The following NABP1 variants were observed in gnomAD, a reference collection of about 807,000 sequenced individuals.
NABP1 encodes SOSS complex subunit B2.
A neutral mutation model predicts 25.0 loss-of-function variants in NABP1; 18 were observed. The observed-to-expected ratio is 0.72, with a 90% CI of 0.50 to 1.07. The LOEUF is 1.07. NABP1 is among the 50% of genes least tolerant of loss of function. The probability of loss-of-function intolerance (pLI) is 0.00; values close to 1 mark genes in which losing one functional copy is unlikely to be tolerated. For synonymous variants in NABP1, 71 were observed against 85.0 expected (o/e 0.84, Z 0.91); for missense variants, 270 against 255.6 (o/e 1.06, Z -0.39).
chr2:191,679,582 G>T (rs1291122641), intron 2 of NABP1, among the ~76,000 whole-genome samples: 2 of 151,990 alleles, frequency 1.3e-5, no homozygotes, highest in African/African-American at 4.8e-5. Flanking sequence ...TCAGAGTGTT[G>T]CCCAGGCTGG....
At chr2:191,684,328 T>G (rs1490229219) in intron 5 of NABP1, 32 bp downstream of exon 5, 1 of 1,448,392 alleles carries the variant, frequency 6.9e-7, no homozygotes, top group Non-Finnish European at 9.2e-7. Flanking sequence ...TCATTTGTGA[T>G]CAGGTATAAG....
intron 3 of NABP1, chr2:191,682,478 CTATT>C (rs1445005204): frequency 4.3e-6 from 2 of 470,416 alleles, no homozygotes; most frequent in Non-Finnish European, 8.8e-6. Flanking sequence ...CTGAAGTCCT[CTATT>C]TATCCACAGT....
intron 2 of NABP1, 73 bp downstream of exon 2, chr2:191,679,201 A>T: frequency 6.3e-7 from 1 of 1,579,622 alleles, no homozygotes; most frequent in East Asian, 2.2e-5. Context: ...GGATCTTGGC[A>T]AGCCCTGAAG....
intron 1 of NABP1, 62 bp downstream of exon 1, chr2:191,678,767 C>A: frequency 1.3e-6 from 2 of 1,488,166 alleles, no homozygotes; most frequent in East Asian, 2.3e-5. Flanking sequence ...GAGACAGGGG[C>A]GCCGGCCGCT....
Position 191,686,554 on chromosome 2 carries a change from C to T in NABP1, c.*786C>T, listed in dbSNP as rs1249875479. 1 of 152,146 alleles carries T rather than the reference C, an allele frequency of 6.6e-6. No homozygotes were observed. The highest frequency in any genetic ancestry group is 1.5e-5 in the Non-Finnish European group (1 of 68,026). The allele number at this position is 152,146 out of a possible 1,614,324, so 9.4% of individuals were successfully genotyped here. ...TTATAAAGTTATGATAAACATTCAT[C>T]TGATTATTTTAAACAATAGTTGTGG... On this transcript the variant is annotated 3_prime_UTR_variant, in exon 6 of 6. Coordinates refer to ENST00000425611, the MANE Select transcript of NABP1 (RefSeq NM_001031716.5).
intron 2 of NABP1, among the ~76,000 whole-genome samples, chr2:191,681,139 T>C (rs1226500337): frequency 6.6e-6 from 1 of 152,228 alleles, no homozygotes; most frequent in African/African-American, 2.4e-5. Context: ...ACTCTTTGTA[T>C]AACTTAAGAG....
chr2:191,680,599 G>C (rs1285336255), intron 2 of NABP1, among the ~76,000 whole-genome samples: 2 of 152,120 alleles, frequency 1.3e-5, no homozygotes, highest in Admixed American at 1.3e-4. Flanking sequence ...GCTAAAAACG[G>C]CATCTTATTT....
rs1687761675 is a variant in NABP1 at position 191,684,301 on chromosome 2, G to T, written c.445+5G>T. 2 of 1,514,832 alleles carry T rather than the reference G, an allele frequency of 1.3e-6. No individual in the cohort carries two copies. Among genetic ancestry groups the T allele is most frequent in the Admixed American group, 2.5e-5 (1 of 39,466 alleles). The allele number at this position is 1,514,832 out of a possible 1,614,324, so 93.8% of individuals were successfully genotyped here. On this transcript the variant is annotated splice_donor_5th_base_variant and intron_variant, in intron 5 of 5. Transcript: ENST00000425611. ...CAGGTACATTTGGACCAGTGGGTAA[G>T]ATTTTGTTTGTGTGTTTCATTTGTG... is the stretch of plus-strand genomic sequence containing the variant.
In NABP1 at chr2:191,685,831, T is replaced by C; in HGVS notation, c.*63T>C. ...TGCCCTACTTGAACACTTATTGCAC[T>C]TTTATTTATTGTTAACTGTGAAAAG... On this transcript the variant is annotated 3_prime_UTR_variant, in exon 6 of 6. Coordinates refer to ENST00000425611, the MANE Select transcript of NABP1 (RefSeq NM_001031716.5). 1 of 1,460,102 alleles carries C rather than the reference T, an allele frequency of 6.8e-7. No homozygotes were observed. The highest frequency in any genetic ancestry group is 2.3e-5 in the East Asian group (1 of 42,734). 90.4% of individuals were successfully genotyped at this position (1,460,102 alleles called of 1,614,324 possible).
At position 191,683,608 on chromosome 2, in the gene NABP1, G is replaced by C. The variant is rs1337719496; in HGVS notation, c.303-121G>C. 1.6e-5 allele frequency: 11 copies of C among 686,716 alleles called. No homozygotes were observed. Among genetic ancestry groups the C allele is most frequent in the Non-Finnish European group, 2.7e-5 (11 of 401,602 alleles). 42.5% of individuals were successfully genotyped at this position (686,716 alleles called of 1,614,324 possible). On this transcript the variant is annotated intron_variant, in intron 3 of 5. Transcript: ENST00000425611. The surrounding 1 kb of genome is among the most constrained non-coding windows in gnomAD (Gnocchi z 4.1). ...AGTTTTTGTTGTAAATGAAGAGTTA[G>C]TTTGTTGCTATTAATTTGTTTGACA...
rs765742413 is a variant in NABP1, at chr2:191,679,170, A to C, written c.230+42A>C. The C allele has an allele frequency of 9.9e-6, 16 of 1,612,342 alleles. 1 individual carries two copies. The highest frequency in any genetic ancestry group is 1.7e-4 in the Middle Eastern group (1 of 6,032). The stretch of plus-strand genomic sequence containing the variant: ...GTCGGGGGACCTAACAGTCTGCAGA[A>C]TCGGGATTGGCCGGCTCCTGGGATC... On this transcript the variant is annotated intron_variant, in intron 2 of 5. Coordinates refer to ENST00000425611, the MANE Select transcript of NABP1 (RefSeq NM_001031716.5).
intron 1 of NABP1, 115 bp downstream of exon 1, chr2:191,678,820 C>T (rs1234215202): frequency 8.0e-7 from 1 of 1,243,672 alleles, no homozygotes; most frequent in Middle Eastern, 2.4e-4. Flanking sequence ...CTCCCCCACC[C>T]ACGTGGCTCT....
rs750026630 is a variant in NABP1 at position 191,679,099 on chromosome 2, G to T, written c.201G>T (p.Gln67His). 6.2e-7 allele frequency: 1 copy of T among 1,614,190 alleles called. No homozygotes were observed. Among genetic ancestry groups the T allele is most frequent in the South Asian group, 1.1e-5 (1 of 91,086 alleles). Residue 67 changes from glutamine to histidine, a missense_variant, in exon 2 of 6, where the codon CAG becomes CAT. Coordinates refer to ENST00000425611, the MANE Select transcript of NABP1 (RefSeq NM_001031716.5). ...GGGATGAGATCGGAGGTCTTATACA[G>T]CCAGGGGATATTATTCGGTTGACCA... is the stretch of plus-strand genomic sequence containing the variant. Reference protein sequence around the residue: ...SVWDEIGGLIQPGDIIRLTRG... With the variant: ...SVWDEIGGLIHPGDIIRLTRG...
Position 191,685,691 on chromosome 2 carries a change from C to T in NABP1, c.538C>T (p.Gln180Ter), listed in dbSNP as rs772998466. 41 of 1,613,944 alleles carry T rather than the reference C, an allele frequency of 2.5e-5. No individual in the cohort carries two copies. Among genetic ancestry groups the T allele is most frequent in the Non-Finnish European group, 3.4e-5 (40 of 1,179,986 alleles). The change falls in exon 6 of 6, where the codon CAA (glutamine) becomes TAA (stop). Residue 180 changes from glutamine to a stop codon, truncating the protein, a stop_gained. Coordinates refer to ENST00000425611, the MANE Select transcript of NABP1 (RefSeq NM_001031716.5). LOFTEE classifies it high-confidence loss of function. The part of the protein sequence containing the change: ...NGRGLINPQL[Q>*]GTASNQTVMT... Reference sequence around the variant, plus strand: ...CCGGGGACTTATAAATCCACAACTACAAGGAACAGCTAGTAATCAAACAGT... The same window carrying T: ...CCGGGGACTTATAAATCCACAACTATAAGGAACAGCTAGTAATCAAACAGT...
chr2:191,680,967 C>G (rs2105641787), intron 2 of NABP1, among the ~76,000 whole-genome samples: 1 of 152,228 alleles, frequency 6.6e-6, no homozygotes, highest in South Asian at 2.1e-4. Flanking sequence ...AATAATGGTT[C>G]AAATATCAAC....
At chr2:191,682,138 G>A in intron 3 of NABP1, 121 bp downstream of exon 3, 1 of 521,102 alleles carries the variant, frequency 1.9e-6, no homozygotes, top group Non-Finnish European at 3.3e-6. Flanking sequence ...AATGTCTTTG[G>A]TAGCTTAATT....
In NABP1 at chr2:191,682,092, T is replaced by A. The variant is rs962522266; in HGVS notation, c.302+75T>A. The A allele has an allele frequency of 4.3e-6, 4 of 937,116 alleles. No individual in the cohort carries two copies. In the Admixed American group the frequency reaches 1.2e-4, roughly 29 times the overall value. The allele number at this position is 937,116 out of a possible 1,614,324, so 58.1% of individuals were successfully genotyped here. On this transcript the variant is annotated intron_variant, in intron 3 of 5. Coordinates refer to ENST00000425611, the MANE Select transcript of NABP1 (RefSeq NM_001031716.5). ...CTACGGAATGATTGGTAGGTATGAA[T>A]TGTAAACCTCTTTGGCTTTTTTGAC...
chr2:191,678,403 CTTTTTTTTTTT>C lies in NABP1; in HGVS notation c.-198_-188del, dbSNP rs781513296. ...CTTTTTTTCTTTAGAACTTGTGAGCCTTTTTTTTTTTTTTTTTTTTTTTTCTTTTTTTAGGC... is the reference window on the plus strand; with the variant it reads ...CTTTTTTTCTTTAGAACTTGTGAGCCTTTTTTTTTTTTTCTTTTTTTAGGC... On this transcript the variant is annotated 5_prime_UTR_variant, in exon 1 of 6. Transcript: ENST00000425611. The C allele has an allele frequency of 5.8e-5, 14 of 242,014 alleles. No individual in the cohort carries two copies. The South Asian group carries it at 1.2e-3, about 22-fold the overall frequency. 15.0% of individuals were successfully genotyped at this position (242,014 alleles called of 1,614,324 possible). A position where few individuals can be genotyped will look rare whatever the true frequency, so the allele number is the denominator to read the frequency against.
rs757247859 is a variant in NABP1 at position 191,683,809 on chromosome 2, T to C, written c.378+5T>C. The C allele has an allele frequency of 1.0e-5, 16 of 1,601,028 alleles. No homozygotes were observed. Among genetic ancestry groups the C allele is most frequent in the Non-Finnish European group, 1.4e-5 (16 of 1,174,372 alleles). On this transcript the variant is annotated splice_donor_5th_base_variant and intron_variant, in intron 4 of 5. Coordinates refer to ENST00000425611, the MANE Select transcript of NABP1 (RefSeq NM_001031716.5). This position sits in a 1 kb window ranked among gnomAD's most constrained non-coding sequence, Gnocchi z 4.1. ...CGAGGACAGCAGAACAAAGGGGTAATTGTGTAGTATACTTTTATGATTAGG... is the reference window on the plus strand; with the variant it reads ...CGAGGACAGCAGAACAAAGGGGTAACTGTGTAGTATACTTTTATGATTAGG...
Sources: gnomAD v4.1 joint callset for allele counts (sites outside exome capture counted in the v4.1 genomes callset) on GRCh38, gnomAD v4.1.1 for gene constraint, Gnocchi (gnomAD v3.1) non-coding constraint, MANE v1.5 for transcripts, NCBI Gene and HGNC (gene_info 2026-07-23, HGNC 2026-07-21) for gene names.